CPNE7: variants seen among roughly 807,000 people sequenced by gnomAD.
CPNE7 encodes copine 7.
CPNE7 carries 78 observed loss-of-function variants against 66.5 expected under a neutral mutation model. The observed-to-expected ratio is 1.17, with a 90% CI of 0.98 to 1.42. The LOEUF is 1.42. Among genes scored for constraint, CPNE7 ranks in the 40% most tolerant of loss-of-function variants. The pLI is 0.00. For missense variants in CPNE7, 1,012 were observed against 776.6 expected (o/e 1.30, Z -3.60); for synonymous variants, 468 against 336.7 (o/e 1.39, Z -4.27).
At chr16:89,587,735 AGATACACGGCCCCCG>A (rs2059085075) in intron 9 of CPNE7, 1 of 153,364 alleles carries the variant, frequency 6.5e-6, no homozygotes, top group South Asian at 5.0e-5. Context: ...TGTCACCCAC[AGATACACGGCCCCCG>A]TGTCACCCGC....
intron 1 of CPNE7, 138 bp from the exon 2 acceptor site, chr16:89,577,401 A>C: frequency 1.2e-6 from 1 of 839,582 alleles, no homozygotes; most frequent in Non-Finnish European, 1.8e-6. Flanking sequence ...CCATGGACAG[A>C]GAGCAGGCAG....
At chr16:89,581,170 C>T (rs573399829) in intron 2 of CPNE7, among the ~76,000 whole-genome samples, 19 of 144,198 alleles carry the variant, frequency 1.3e-4, no homozygotes, top group Admixed American at 5.1e-4. Flanking sequence ...ACCCGTCACA[C>T]GGAACATTCC....
chr16:89,593,045 CAA>C (rs1350486928), intron 13 of CPNE7, among the ~76,000 whole-genome samples: 1 of 151,668 alleles, frequency 6.6e-6, no homozygotes, highest in Non-Finnish European at 1.5e-5. Context: ...CTCCTGACCT[CAA>C]GTGATCTGCC....
At position 89,584,961 on chromosome 16, in the gene CPNE7, G is replaced by A; in HGVS notation, c.591+104G>A. 1 of 1,034,434 alleles carries A rather than the reference G, an allele frequency of 9.7e-7. No individual in the cohort carries two copies. The highest frequency in any genetic ancestry group is 1.5e-6 in the Non-Finnish European group (1 of 682,588). The allele number at this position is 1,034,434 out of a possible 1,614,324, so 64.1% of individuals were successfully genotyped here. A position where few individuals can be genotyped will look rare whatever the true frequency, so the allele number is the denominator to read the frequency against. ...AGCTCCCAGCCTCCAACAGGGAGCT[G>A]TGGGCGCAGGGCTTTGGTGGCTGTG... On this transcript the variant is annotated intron_variant, in intron 5 of 14. Coordinates refer to ENST00000319518, the MANE Select transcript of CPNE7 (RefSeq NM_153636.3). This position sits in a 1 kb window ranked among gnomAD's most constrained non-coding sequence, Gnocchi z 6.0.
intron 2 of CPNE7, 79 bp downstream of exon 2, chr16:89,577,800 C>T: frequency 6.9e-7 from 1 of 1,445,504 alleles, no homozygotes. Flanking sequence ...TGTACCAGCA[C>T]CGCAGGGACC....
In CPNE7 at chr16:89,584,668, T is replaced by A; in HGVS notation, c.508-106T>A. 1 of 790,864 alleles carries A rather than the reference T, an allele frequency of 1.3e-6. No individual in the cohort carries two copies. The highest frequency in any genetic ancestry group is 1.5e-5 in the South Asian group (1 of 66,118). The allele number at this position is 790,864 out of a possible 1,614,324, so 49.0% of individuals were successfully genotyped here. A position where few individuals can be genotyped will look rare whatever the true frequency, so the allele number is the denominator to read the frequency against. On this transcript the variant is annotated intron_variant, in intron 4 of 14. Transcript: ENST00000319518. The surrounding 1 kb of genome is among the most constrained non-coding windows in gnomAD (Gnocchi z 6.0). The stretch of plus-strand genomic sequence containing the variant: ...CTGCCTCGTTTTGTGCCTGAGGAAT[T>A]AGCGGCTGGTGGCATGAAGTGAGCC...
Position 89,583,598 on chromosome 16 carries a change from C to A in CPNE7, c.358-99C>A. On this transcript the variant is annotated intron_variant, in intron 2 of 14. Coordinates refer to ENST00000319518, the MANE Select transcript of CPNE7 (RefSeq NM_153636.3). ...AAGCTCATGGTGGGGGATGGGGAGA[C>A]AGGACAGGCCTGAGAGTCCGGGTGA... 6 of 1,605,440 alleles carry A rather than the reference C, an allele frequency of 3.7e-6. 1 individual carries two copies. The South Asian group carries it at 5.5e-5, about 15-fold the overall frequency.
chr16:89,587,045 C>G lies in CPNE7; in HGVS notation c.870C>G (p.Phe290Leu). 6.3e-7 allele frequency: 1 copy of G among 1,579,768 alleles called. No individual in the cohort carries two copies. The highest frequency in any genetic ancestry group is 8.6e-7 in the Non-Finnish European group (1 of 1,162,590). ...SGVVVLADLKFHRVYSFLDYI... is the reference protein window; with the variant it reads ...SGVVVLADLKLHRVYSFLDYI... ...ACGCTGACTCCGCCGGCCGGAAGTT[C>G]CACAGGGTGTACTCCTTCCTGGACT... Residue 290 changes from phenylalanine to leucine, a missense_variant and splice_region_variant, in exon 9 of 15, where the codon TTC (phenylalanine) becomes TTG (leucine). By Grantham distance (22) the Phe-to-Leu change is conservative. Coordinates refer to ENST00000319518, the MANE Select transcript of CPNE7 (RefSeq NM_153636.3).
In CPNE7 at chr16:89,591,275, G is replaced by T; in HGVS notation, c.1302+15G>T. On this transcript the variant is annotated intron_variant, in intron 13 of 14. Coordinates refer to ENST00000319518, the MANE Select transcript of CPNE7 (RefSeq NM_153636.3). The stretch of plus-strand genomic sequence containing the variant: ...GGAAAGCCTCTGTAGGTGCCCGGGG[G>T]GTGTGGTGCATGCTTGGTGTGGGGT... 1.9e-6 allele frequency: 3 copies of T among 1,556,810 alleles called. No individual in the cohort carries two copies. Among genetic ancestry groups the T allele is most frequent in the Non-Finnish European group, 2.6e-6 (3 of 1,152,040 alleles).
chr16:89,593,771 G>A (rs1012710176), intron 13 of CPNE7, among the ~76,000 whole-genome samples: 1 of 152,138 alleles, frequency 6.6e-6, no homozygotes, highest in Non-Finnish European at 1.5e-5. Flanking sequence ...CTAATACATA[G>A]ACTATATTCC....
chr16:89,596,329 A>G (rs1375253226), intron 14 of CPNE7, among the ~76,000 whole-genome samples, 155 bp from the exon 15 acceptor site: 1 of 152,192 alleles, frequency 6.6e-6, no homozygotes, highest in East Asian at 1.9e-4. Flanking sequence ...CGACATCCTC[A>G]GCAAGTCTTG....
Position 89,588,222 on chromosome 16 carries a change from T to A in CPNE7, c.928-453T>A, listed in dbSNP as rs112844076. On this transcript the variant is annotated intron_variant, in intron 9 of 14. Coordinates refer to ENST00000319518, the MANE Select transcript of CPNE7 (RefSeq NM_153636.3). The stretch of plus-strand genomic sequence containing the variant: ...GTGTCACCCGCGTGTCACCCACAGA[T>A]ACACGGCCCCCGTGTCACCCGCGTG... Among the ~76,000 whole-genome samples the A allele has an allele frequency of 1.9e-3, 244 of 125,702 alleles. 1 individual carries two copies. The highest frequency in any genetic ancestry group is 8.1e-3 in the Middle Eastern group (2 of 248). 82.5% of individuals were successfully genotyped at this position (125,702 alleles called of 152,430 possible). A position where few individuals can be genotyped will look rare whatever the true frequency, so the allele number is the denominator to read the frequency against.
At chr16:89,580,853 C>CCCATCACCCGTCACACGGAACATG (rs1567953355) in intron 2 of CPNE7, among the ~76,000 whole-genome samples, 1 of 147,714 alleles carries the variant, frequency 6.8e-6, no homozygotes, top group African/African-American at 2.5e-5. Context: ...CACGGAACAT[C>CCCATCACCCGTCACACGGAACATG]CCATCACCCG....
chr16:89,585,015 CAG>C (rs2059013291), intron 5 of CPNE7, among the ~76,000 whole-genome samples, 158 bp downstream of exon 5: 1 of 152,112 alleles, frequency 6.6e-6, no homozygotes, highest in Non-Finnish European at 1.5e-5. Context: ...CAGGGAGCCG[CAG>C]GCGCAGGGCC....
In CPNE7 at chr16:89,577,695, G is replaced by T. The variant is rs767486690; in HGVS notation, c.331G>T (p.Gly111Trp). The change falls in exon 2 of 15, where the codon GGG becomes TGG. Residue 111 changes from glycine (G) to tryptophan (W), a missense_variant. Physicochemically the swap from Gly to Trp is radical, Grantham distance 184. Transcript: ENST00000319518. ...CAGCTGTCAGGAGGACGATTTCCTG[G>T]GGGGCATGGAGTGCACCCTGGGGCA... Reference protein sequence around the residue: ...GFSCQEDDFLGGMECTLGQIV... With the variant: ...GFSCQEDDFLWGMECTLGQIV... The T allele has an allele frequency of 1.2e-6, 2 of 1,600,080 alleles. No homozygotes were observed. The highest frequency in any genetic ancestry group is 3.4e-5 in the Admixed American group (2 of 58,010).
chr16:89,586,829 T>C, intron 8 of CPNE7, 73 bp downstream of exon 8: 1 of 1,384,928 alleles, frequency 7.2e-7, no homozygotes, highest in Non-Finnish European at 1.0e-6. Context: ...GATTGTTGGA[T>C]GGACCCTCAA....
chr16:89,586,830 G>A (rs574968863), intron 8 of CPNE7, 74 bp downstream of exon 8: 53 of 1,384,614 alleles, frequency 3.8e-5, no homozygotes, highest in Admixed American at 1.2e-4. Flanking sequence ...ATTGTTGGAT[G>A]GACCCTCAAC....
In CPNE7 at chr16:89,584,890, G is replaced by A; in HGVS notation, c.591+33G>A. On this transcript the variant is annotated intron_variant, in intron 5 of 14. Coordinates refer to ENST00000319518, the MANE Select transcript of CPNE7 (RefSeq NM_153636.3). The surrounding 1 kb of genome is among the most constrained non-coding windows in gnomAD (Gnocchi z 6.0). Reference sequence around the variant, plus strand: ...GCCGGGGATGGGAACACAGGGAGGGGAAGGGGCTGTCCCCAGCCCTCACGC... The same window carrying A: ...GCCGGGGATGGGAACACAGGGAGGGAAAGGGGCTGTCCCCAGCCCTCACGC... 1 of 1,582,950 alleles carries A rather than the reference G, an allele frequency of 6.3e-7. No individual in the cohort carries two copies. Among genetic ancestry groups the A allele is most frequent in the Non-Finnish European group, 8.7e-7 (1 of 1,153,850 alleles).
Position 89,587,051 on chromosome 16 carries a change from G to T in CPNE7, c.876G>T (p.Arg292Ser), listed in dbSNP as rs371770991. 1 of 1,580,646 alleles carries T rather than the reference G, an allele frequency of 6.3e-7. No homozygotes were observed. Among genetic ancestry groups the T allele is most frequent in the East Asian group, 2.3e-5 (1 of 43,242 alleles). Residue 292 changes from arginine (R) to serine (S), a missense_variant, in exon 9 of 15, where the codon AGG (arginine) becomes AGT (serine). Arg to Ser is a moderately radical substitution (Grantham distance 110, BLOSUM62 -1). Coordinates refer to ENST00000319518, the MANE Select transcript of CPNE7 (RefSeq NM_153636.3). The stretch of plus-strand genomic sequence containing the variant: ...ACTCCGCCGGCCGGAAGTTCCACAG[G>T]GTGTACTCCTTCCTGGACTATATCA... ...VVVLADLKFH[R>S]VYSFLDYIMG...
Sources: gnomAD v4.1 joint callset for allele counts (sites outside exome capture counted in the v4.1 genomes callset) on GRCh38, gnomAD v4.1.1 for gene constraint, Gnocchi (gnomAD v3.1) non-coding constraint, MANE v1.5 for transcripts, NCBI Gene and HGNC (gene_info 2026-07-23, HGNC 2026-07-21) for gene names.